The following SMG6 variants were observed in gnomAD, a reference collection of about 807,000 sequenced individuals.
SMG6 encodes the protein telomerase-binding protein EST1A.
SMG6 carries 66 observed loss-of-function variants against 142.2 expected under a neutral mutation model. That is an observed-to-expected ratio of 0.46 (90% CI 0.38 to 0.57). SMG6 has a LOEUF of 0.57. SMG6 is among the 20% of genes least tolerant of loss of function. The probability of loss-of-function intolerance (pLI) is 0.00; values close to 1 mark genes in which losing one functional copy is unlikely to be tolerated. For missense variants in SMG6, 1,793 were observed against 1,832.0 expected (o/e 0.98, Z 0.39); for synonymous variants, 779 against 702.4 (o/e 1.11, Z -1.72).
intron 8 of SMG6, among the ~76,000 whole-genome samples, chr17:2,252,539 T>C (rs1339560651): frequency 6.6e-6 from 1 of 152,184 alleles, no homozygotes; most frequent in African/African-American, 2.4e-5. Flanking sequence ...AAAACCTGGG[T>C]TCGAATTTTG....
chr17:2,132,042 A>G (rs2070138520), intron 13 of SMG6, among the ~76,000 whole-genome samples: 1 of 152,164 alleles, frequency 6.6e-6, no homozygotes, highest in Admixed American at 6.5e-5. Context: ...ACTGCACTCC[A>G]GCATTGGGTG....
Position 2,300,039 on chromosome 17 carries a change from C to T in SMG6, c.714G>A (p.Pro238=), listed in dbSNP as rs1483265714. 3.7e-6 allele frequency: 6 copies of T among 1,614,052 alleles called. No individual in the cohort carries two copies. Among genetic ancestry groups the T allele is most frequent in the African/African-American group, 2.7e-5 (2 of 74,936 alleles). ...AGCGGGAGTAGCGCTTTGCGGAGCC[C>T]GGCCTCCCGCGGGCTGGGTCGTCGT... The part of the protein sequence containing the change: ...ETHDDPARGR[P]GSAKRYSRSD... Residue 238 remains proline, a synonymous_variant, in exon 2 of 19, where the codon CCG becomes CCA. Coordinates refer to ENST00000263073, the MANE Select transcript of SMG6 (RefSeq NM_017575.5).
rs367751763 is a variant in SMG6, at chr17:2,300,100, T to C, written c.653A>G (p.Lys218Arg). Residue 218 changes from lysine (K) to arginine (R), a missense_variant, in exon 2 of 19, where the codon AAG (lysine) becomes AGG (arginine). Coordinates refer to ENST00000263073, the MANE Select transcript of SMG6 (RefSeq NM_017575.5). ...CACCCCCTCCCCTTTTCCCATCCTC[T>C]TTCCTTTTTCTCCTTTTGCAGCCCC... ...RVGAAKGEKGKRMGKGEGVRE... is the reference protein window; with the variant it reads ...RVGAAKGEKGRRMGKGEGVRE... The C allele has an allele frequency of 3.7e-6, 6 of 1,614,046 alleles. No individual in the cohort carries two copies. The African/African-American group carries it at 6.7e-5, about 18-fold the overall frequency.
At chr17:2,102,405 G>T (rs1001693531) in intron 13 of SMG6, among the ~76,000 whole-genome samples, 13 of 152,090 alleles carry the variant, frequency 8.5e-5, no homozygotes, top group African/African-American at 3.1e-4. Flanking sequence ...CACCCAGGCT[G>T]GAGTGCAGTG....
intron 13 of SMG6, among the ~76,000 whole-genome samples, chr17:2,140,129 C>T (rs1309100721): frequency 2.0e-5 from 3 of 151,942 alleles, no homozygotes; most frequent in South Asian, 2.1e-4. Flanking sequence ...GTAGTGAGAC[C>T]TCGGCTCACT....
chr17:2,258,969 T>C (rs1028185308), intron 8 of SMG6, among the ~76,000 whole-genome samples: 1 of 150,222 alleles, frequency 6.7e-6, no homozygotes, highest in Non-Finnish European at 1.5e-5. Flanking sequence ...TCCCAGCTAG[T>C]TGGGAGGCTG....
chr17:2,200,786 T>C (rs1035118835), intron 10 of SMG6, among the ~76,000 whole-genome samples: 1 of 152,176 alleles, frequency 6.6e-6, no homozygotes, highest in African/African-American at 2.4e-5. Context: ...CATAGCTCAC[T>C]GTAGCCTCAA....
chr17:2,220,213 A>G (rs1336754586), intron 10 of SMG6, among the ~76,000 whole-genome samples: 3 of 152,218 alleles, frequency 2.0e-5, no homozygotes, highest in Non-Finnish European at 4.4e-5. Flanking sequence ...CTATTCTAAT[A>G]AAACAACATG....
intron 8 of SMG6, among the ~76,000 whole-genome samples, chr17:2,271,876 A>G (rs1258144564): frequency 6.6e-6 from 1 of 152,202 alleles, no homozygotes; most frequent in African/African-American, 2.4e-5. Flanking sequence ...TGCATTGTCT[A>G]AAAGAATAGC....
At position 2,068,974 on chromosome 17, in the gene SMG6, A is replaced by C; in HGVS notation, c.3682-43T>G. The C allele has an allele frequency of 6.2e-7, 1 of 1,604,608 alleles. No homozygotes were observed. Among genetic ancestry groups the C allele is most frequent in the Non-Finnish European group, 8.5e-7 (1 of 1,173,638 alleles). On this transcript the variant is annotated intron_variant, in intron 15 of 18. Transcript: ENST00000263073. The surrounding 1 kb of genome is among the most constrained non-coding windows in gnomAD (Gnocchi z 6.7). ...TGAATGAGCCAGACAGCGAGCAGGC[A>C]AGCAGGTGGGTGAGCCAGGGCCCTG...
intron 8 of SMG6, among the ~76,000 whole-genome samples, chr17:2,261,039 G>A (rs1028302548): frequency 6.6e-6 from 1 of 151,754 alleles, no homozygotes; most frequent in African/African-American, 2.4e-5. Context: ...GGGCGCGGTG[G>A]CTCACGCCTG....
At chr17:2,238,690 C>T (rs565398938) in intron 9 of SMG6, among the ~76,000 whole-genome samples, 1 of 152,288 alleles carries the variant, frequency 6.6e-6, no homozygotes, top group East Asian at 1.9e-4. Flanking sequence ...AGTTTTGCTT[C>T]GAAGCTGTGT....
intron 13 of SMG6, among the ~76,000 whole-genome samples, chr17:2,128,817 CA>C (rs367580981): frequency 1.3e-3 from 93 of 73,048 alleles, no homozygotes; most frequent in East Asian, 6.8e-3. Flanking sequence ...GAGCAAGACT[CA>C]AAAAAAAAAA....
At chr17:2,077,424 T>C (rs553600987) in intron 15 of SMG6, among the ~76,000 whole-genome samples, 1 of 151,880 alleles carries the variant, frequency 6.6e-6, no homozygotes, top group African/African-American at 2.4e-5. Context: ...CATCTGGGGA[T>C]TGAAGGAGGA....
At chr17:2,273,741 G>A (rs998503838) in intron 8 of SMG6, among the ~76,000 whole-genome samples, 1 of 152,028 alleles carries the variant, frequency 6.6e-6, no homozygotes, top group African/African-American at 2.4e-5. Flanking sequence ...AGGTTGCAGT[G>A]AGCAGAGATC....
intron 13 of SMG6, among the ~76,000 whole-genome samples, chr17:2,132,406 C>G (rs2070152137): frequency 6.6e-6 from 1 of 152,188 alleles, no homozygotes; most frequent in Admixed American, 6.5e-5. Flanking sequence ...GAAGCCCAGT[C>G]TACATGTGGA....
chr17:2,110,081 CAAAAAAAAAA>C (rs57135671), intron 13 of SMG6, among the ~76,000 whole-genome samples: 11 of 87,992 alleles, frequency 1.3e-4, no homozygotes, highest in South Asian at 1.0e-3. Context: ...GATTCCATCT[CAAAAAAAAAA>C]AAAAAAAAAA....
chr17:2,251,169 A>G (rs1222436532), intron 8 of SMG6, among the ~76,000 whole-genome samples: 1 of 152,124 alleles, frequency 6.6e-6, no homozygotes, highest in Non-Finnish European at 1.5e-5. Flanking sequence ...CCTGGTACAA[A>G]AAATGTGGAA....
chr17:2,154,869 T>C (rs1418846564), intron 13 of SMG6, among the ~76,000 whole-genome samples: 1 of 151,952 alleles, frequency 6.6e-6, no homozygotes, highest in African/African-American at 2.4e-5. Context: ...ATCTCATCTC[T>C]ACAAAAAAAT....
Sources: allele counts gnomAD v4.1 joint callset (sites outside exome capture counted in the v4.1 genomes callset), GRCh38; gene constraint gnomAD v4.1.1; non-coding constraint Gnocchi (gnomAD v3.1); transcripts MANE v1.5; gene names NCBI Gene and HGNC (gene_info 2026-07-23, HGNC 2026-07-21).